The following PTPN4 variants were observed in gnomAD, a reference collection of about 807,000 sequenced individuals.
PTPN4 encodes the protein tyrosine-protein phosphatase non-receptor type 4.
A neutral mutation model predicts 135.5 loss-of-function variants in PTPN4; 49 were observed. That is an observed-to-expected ratio of 0.36 (90% CI 0.29 to 0.46). The LOEUF (loss-of-function observed/expected upper bound fraction) is 0.46, where lower values mean the gene tolerates loss of function less well. PTPN4 is among the 20% of genes least tolerant of loss of function. PTPN4 has a pLI of 1.00. For synonymous variants in PTPN4, 333 were observed against 369.9 expected (o/e 0.90, Z 1.14); for missense variants, 860 against 1,101.0 (o/e 0.78, Z 3.10).
At chr2:119,932,611 G>T in intron 14 of PTPN4, 62 bp downstream of exon 14, 2 of 1,482,712 alleles carry the variant, frequency 1.3e-6, no homozygotes, top group Admixed American at 4.3e-5. Context: ...ATTATTGGCT[G>T]TATATTTTTA....
intron 2 of PTPN4, among the ~76,000 whole-genome samples, chr2:119,862,133 C>T (rs988513078): frequency 1.3e-5 from 2 of 152,002 alleles, no homozygotes; most frequent in East Asian, 3.9e-4. Flanking sequence ...AAAAAAATAT[C>T]GTGATAGCCT....
intron 9 of PTPN4, among the ~76,000 whole-genome samples, chr2:119,886,240 G>A (rs2105005353): frequency 6.6e-6 from 1 of 152,164 alleles, no homozygotes; most frequent in Middle Eastern, 3.4e-3. Context: ...ACATCACTGA[G>A]GCCTGTATTA....
intron 15 of PTPN4, among the ~76,000 whole-genome samples, chr2:119,944,018 A>G (rs1416852371): frequency 6.6e-6 from 1 of 152,022 alleles, no homozygotes; most frequent in Non-Finnish European, 1.5e-5. Context: ...TTTTTTTTTA[A>G]TGATAATATC....
intron 2 of PTPN4, among the ~76,000 whole-genome samples, chr2:119,838,361 C>T (rs376224748): frequency 3.3e-5 from 5 of 152,068 alleles, no homozygotes; most frequent in South Asian, 2.1e-4. Flanking sequence ...CGCCAGCCAC[C>T]GAGGTTTCTG....
At chr2:119,803,520 C>T (rs1433026304) in intron 1 of PTPN4, among the ~76,000 whole-genome samples, 3 of 152,074 alleles carry the variant, frequency 2.0e-5, no homozygotes, top group African/African-American at 4.8e-5. Context: ...TTCCATTGTT[C>T]TCAGAATACA....
At chr2:119,797,187 A>C (rs1029074418) in intron 1 of PTPN4, among the ~76,000 whole-genome samples, 7 of 152,136 alleles carry the variant, frequency 4.6e-5, no homozygotes, top group African/African-American at 1.7e-4. Flanking sequence ...AACAGCAGAT[A>C]GTTTAATTTT....
intron 2 of PTPN4, among the ~76,000 whole-genome samples, chr2:119,833,465 T>C (rs952327872): frequency 1.3e-5 from 2 of 152,204 alleles, no homozygotes; most frequent in Non-Finnish European, 2.9e-5. Context: ...TTAATACTTT[T>C]AATCATTTAA....
rs751852893 is a variant in PTPN4, at chr2:119,809,948, A to C, written c.95A>C (p.Asn32Thr). ...RDRQHTEVVC[N>T]ILLLDNTVQA... ...AGACAGCATACTGAAGTGGTTTGCAACATCCTTCTTCTGGATAACACTGTA... is the reference window on the plus strand; with the variant it reads ...AGACAGCATACTGAAGTGGTTTGCACCATCCTTCTTCTGGATAACACTGTA... Residue 32 changes from asparagine to threonine, a missense_variant, in exon 2 of 27, where the codon AAC becomes ACC. Asn to Thr is a moderately conservative substitution (Grantham distance 65). Around this residue, in one of 2 missense-constraint regions of PTPN4, gnomAD observed 684 missense variants for 807.0 expected, o/e 0.85. Coordinates refer to ENST00000263708, the MANE Select transcript of PTPN4 (RefSeq NM_002830.4). 8.1e-6 allele frequency: 13 copies of C among 1,613,652 alleles called. No individual in the cohort carries two copies. The highest frequency in any genetic ancestry group is 5.0e-5 in the Admixed American group (3 of 59,934).
chr2:119,795,645 A>AG lies in PTPN4; in HGVS notation c.-17-14185dup, dbSNP rs559081136. On this transcript the variant is annotated intron_variant, in intron 1 of 26. Coordinates refer to ENST00000263708, the MANE Select transcript of PTPN4 (RefSeq NM_002830.4). ...AGACACCTCTGAGCCTGTGAGGGCA[A>AG]GGGGGGGCCTTCCTGGGTCCCCCAA... is the stretch of plus-strand genomic sequence containing the variant. Among the ~76,000 whole-genome samples, 417 of 152,338 alleles carry AG rather than the reference A, an allele frequency of 2.7e-3. 2 individuals carry two copies. The highest frequency in any genetic ancestry group is 4.6e-3 in the Admixed American group (71 of 15,306).
intron 19 of PTPN4, 56 bp from the exon 20 acceptor site, chr2:119,955,101 G>A (rs927955851): frequency 7.8e-5 from 112 of 1,433,988 alleles, no homozygotes; most frequent in East Asian, 3.5e-4. Flanking sequence ...AATTCCTATC[G>A]TGTGAATTCA....
intron 19 of PTPN4, among the ~76,000 whole-genome samples, chr2:119,953,292 G>A (rs904114714): frequency 2.0e-5 from 3 of 152,088 alleles, no homozygotes; most frequent in Non-Finnish European, 4.4e-5. Flanking sequence ...AATATCATTC[G>A]AATTCTACTT....
At position 119,822,647 on chromosome 2, in the gene PTPN4, G is replaced by A. The variant is rs750372470; in HGVS notation, c.138+12656G>A. The stretch of plus-strand genomic sequence containing the variant: ...GCTGGGATTTCAGGCGTGAGCCACC[G>A]CACCCGGCCTGTGTGTTAGTATCTC... On this transcript the variant is annotated intron_variant, in intron 2 of 26. Coordinates refer to ENST00000263708, the MANE Select transcript of PTPN4 (RefSeq NM_002830.4). Among the ~76,000 whole-genome samples the A allele has an allele frequency of 4.6e-5, 7 of 152,078 alleles. No individual in the cohort carries two copies. The East Asian group carries it at 7.7e-4, about 17-fold the overall frequency.
chr2:119,807,689 A>G (rs892855031), intron 1 of PTPN4, among the ~76,000 whole-genome samples: 5 of 152,200 alleles, frequency 3.3e-5, no homozygotes, highest in Admixed American at 2.6e-4. Flanking sequence ...TATTCCAATC[A>G]ATAGAAAAAG....
intron 2 of PTPN4, among the ~76,000 whole-genome samples, chr2:119,854,688 A>G (rs1293419828): frequency 1.3e-5 from 2 of 152,236 alleles, no homozygotes; most frequent in African/African-American, 4.8e-5. Context: ...TTGAGTATAC[A>G]AGGTGCAAAT....
At chr2:119,941,462 A>G (rs971574903) in intron 15 of PTPN4, among the ~76,000 whole-genome samples, 19 of 151,572 alleles carry the variant, frequency 1.3e-4, no homozygotes, top group African/African-American at 4.6e-4. Context: ...GTGTATGTAT[A>G]CAGTTTGGTT....
chr2:119,863,779 A>C (rs893572791), intron 3 of PTPN4, among the ~76,000 whole-genome samples: 2 of 152,154 alleles, frequency 1.3e-5, no homozygotes, highest in African/African-American at 4.8e-5. Flanking sequence ...ATGCTTTTAT[A>C]CTGAACTAAA....
At chr2:119,955,944 TAATAAATAAATAAATAAATA>T (rs200278968) in intron 20 of PTPN4, among the ~76,000 whole-genome samples, 26 of 148,858 alleles carry the variant, frequency 1.7e-4, no homozygotes, top group Admixed American at 2.7e-4. Flanking sequence ...CTCAAAAAAA[TAATAAATAAATAAATAAATA>T]AATAAATAAA....
chr2:119,956,237 A>AT (rs10627020), intron 20 of PTPN4, among the ~76,000 whole-genome samples: 2,233 of 101,040 alleles, frequency 0.022, 109 homozygotes, highest in African/African-American at 0.054. Context: ...ATAAACCTGA[A>AT]TTTTTTTTTT....
At chr2:119,915,694 T>C (rs942520515) in intron 11 of PTPN4, 3 of 152,280 alleles carry the variant, frequency 2.0e-5, no homozygotes, top group African/African-American at 7.2e-5. Context: ...TTATATATTA[T>C]AAATAACAAA....
Sources: allele counts gnomAD v4.1 joint callset (sites outside exome capture counted in the v4.1 genomes callset), GRCh38; gene constraint gnomAD v4.1.1; regional missense constraint gnomAD v4.1.1; transcripts MANE v1.5; gene names NCBI Gene and HGNC (gene_info 2026-07-23, HGNC 2026-07-21).